Variants in PRKCI observed in about 807,000 individuals in gnomAD.
PRKCI encodes the protein protein kinase C iota.
Under a neutral mutation model 84.0 loss-of-function variants are expected in PRKCI, and 43 were observed. The ratio of observed to expected loss-of-function variants is 0.51; its 90% CI spans 0.40 to 0.66. PRKCI has a LOEUF of 0.66. Ranked by LOEUF, PRKCI falls within the 30% of genes least tolerant of loss-of-function variation. The pLI is 0.00. For missense variants in PRKCI, 459 were observed against 745.6 expected, an observed-to-expected ratio of 0.62 and a Z score of 4.48; for synonymous variants, 216 against 234.4, an observed-to-expected ratio of 0.92 and a Z score of 0.72.
At chr3:170,257,662 ATTTTT>A (rs11362547) in intron 2 of PRKCI, among the ~76,000 whole-genome samples, 1 of 121,800 alleles carries the variant, frequency 8.2e-6, no homozygotes, top group African/African-American at 3.1e-5. Context: ...GGGAAAGAGA[ATTTTT>A]TTTTTTTTTT....
At chr3:170,257,150 T>TA (rs1340623293) in intron 2 of PRKCI, among the ~76,000 whole-genome samples, 10 of 152,206 alleles carry the variant, frequency 6.6e-5, no homozygotes, top group Admixed American at 6.5e-4. Flanking sequence ...TGGGTGGGTA[T>TA]ATAGGGGAAA....
intron 2 of PRKCI, among the ~76,000 whole-genome samples, chr3:170,238,418 G>A (rs943700209): frequency 2.0e-5 from 3 of 149,206 alleles, no homozygotes; most frequent in African/African-American, 2.5e-5. Flanking sequence ...TATAGTATGC[G>A]CTGGACATTT....
At chr3:170,250,730 T>G (rs1733423609) in intron 2 of PRKCI, among the ~76,000 whole-genome samples, 1 of 152,210 alleles carries the variant, frequency 6.6e-6, no homozygotes, top group Non-Finnish European at 1.5e-5. Context: ...GTGAATATGT[T>G]TTCATTTCAT....
chr3:170,244,383 A>G (rs1310395014), intron 2 of PRKCI, among the ~76,000 whole-genome samples: 1 of 152,156 alleles, frequency 6.6e-6, no homozygotes, highest in African/African-American at 2.4e-5. Context: ...TTAAGAACTC[A>G]AAATGTAGGG....
intron 1 of PRKCI, among the ~76,000 whole-genome samples, chr3:170,233,086 G>A (rs543312259): frequency 6.4e-4 from 97 of 151,476 alleles, no homozygotes; most frequent in African/African-American, 2.3e-3. Flanking sequence ...TTTGCCCAAT[G>A]GTCTTACCAT....
At chr3:170,275,316 T>C (rs1176119762) in intron 8 of PRKCI, 29 bp downstream of exon 8, 2 of 1,571,700 alleles carry the variant, frequency 1.3e-6, no homozygotes, top group Non-Finnish European at 1.7e-6. Flanking sequence ...TTGTACATTA[T>C]ATCATTAGCT....
chr3:170,254,063 C>T (rs1249688629), intron 2 of PRKCI, among the ~76,000 whole-genome samples: 1 of 151,190 alleles, frequency 6.6e-6, no homozygotes, highest in Non-Finnish European at 1.5e-5. Context: ...CGCCACTGCA[C>T]TCCAGCCTGG....
In PRKCI at chr3:170,223,060, C is replaced by T. The variant is rs143899279; in HGVS notation, c.101+290C>T. Among the ~76,000 whole-genome samples, 725 of 152,174 alleles carry T rather than the reference C, an allele frequency of 4.8e-3. 6 individuals are homozygous for T. Among genetic ancestry groups the T allele is most frequent in the African/African-American group, 0.017 (692 of 41,526 alleles). ...GTGCACCTGGTGTGGACGAGAGACTCGCCTCCTGAGAGCTTTGTAGGGGCC... is the reference window on the plus strand; with the variant it reads ...GTGCACCTGGTGTGGACGAGAGACTTGCCTCCTGAGAGCTTTGTAGGGGCC... On this transcript the variant is annotated intron_variant, in intron 1 of 17. Transcript: ENST00000295797.
Position 170,222,512 on chromosome 3 carries a change from G to T in PRKCI, c.-158G>T, listed in dbSNP as rs1172547210. On this transcript the variant is annotated 5_prime_UTR_variant, in exon 1 of 18. Transcript: ENST00000295797. ...GAGCCGCGCGGTTCCGGCTGCTCCG[G>T]CGAGGCGACCCTTGGGTCGGCGCTG... 8 of 593,930 alleles carry T rather than the reference G, an allele frequency of 1.3e-5. No individual in the cohort carries two copies. The allele number at this position is 593,930 out of a possible 1,614,324, so 36.8% of individuals were successfully genotyped here.
At chr3:170,243,054 T>A (rs1733175719) in intron 2 of PRKCI, among the ~76,000 whole-genome samples, 1 of 152,120 alleles carries the variant, frequency 6.6e-6, no homozygotes, top group African/African-American at 2.4e-5. Context: ...TTTATTGAGG[T>A]ATAATTGACA....
intron 2 of PRKCI, among the ~76,000 whole-genome samples, chr3:170,242,963 G>A (rs535513276): frequency 2.0e-5 from 3 of 152,192 alleles, no homozygotes; most frequent in South Asian, 4.1e-4. Flanking sequence ...GAGCCACTGC[G>A]CCCGGCCTCT....
rs1279177533 is a variant in PRKCI, at chr3:170,305,144, T to C, written c.*2017T>C. ...AATTCTGTATCTCATGTCAGAAATA[T>C]GTTTATGGCCTTGCTTTTAAGTGGT... is the stretch of plus-strand genomic sequence containing the variant. On this transcript the variant is annotated 3_prime_UTR_variant, in exon 18 of 18. Coordinates refer to ENST00000295797, the MANE Select transcript of PRKCI (RefSeq NM_002740.6). 1 of 152,616 alleles carries C rather than the reference T, an allele frequency of 6.6e-6. No homozygotes were observed. The highest frequency in any genetic ancestry group is 2.4e-5 in the African/African-American group (1 of 41,444). 9.5% of individuals were successfully genotyped at this position (152,616 alleles called of 1,614,324 possible).
At chr3:170,302,552 C>T (rs1204813462) in intron 17 of PRKCI, among the ~76,000 whole-genome samples, 2 of 152,104 alleles carry the variant, frequency 1.3e-5, no homozygotes, top group African/African-American at 4.8e-5. Flanking sequence ...CAACCTCTCC[C>T]CTCTCTGTGA....
rs1329373324 is a variant in PRKCI at position 170,270,193 on chromosome 3, G to A, written c.451-228G>A. On this transcript the variant is annotated intron_variant, in intron 5 of 17. Coordinates refer to ENST00000295797, the MANE Select transcript of PRKCI (RefSeq NM_002740.6). ...GACTGAAAATTCTTAGACTTAGAAAGAAATGTGGTTGCAGATTTCACTGTC... is the reference window on the plus strand; with the variant it reads ...GACTGAAAATTCTTAGACTTAGAAAAAAATGTGGTTGCAGATTTCACTGTC... Among the ~76,000 whole-genome samples the A allele has an allele frequency of 5.3e-5, 8 of 152,300 alleles. No individual in the cohort carries two copies. In the East Asian group the frequency reaches 1.5e-3, roughly 29 times the overall value.
intron 5 of PRKCI, among the ~76,000 whole-genome samples, chr3:170,268,632 A>G (rs115791833): frequency 0.025 from 3,775 of 152,294 alleles, 120 homozygotes; most frequent in South Asian, 0.12. Flanking sequence ...TTTTCCAGTT[A>G]GTGTTGTAAT....
At chr3:170,296,802 C>T (rs1385167173) in intron 15 of PRKCI, among the ~76,000 whole-genome samples, 1 of 152,226 alleles carries the variant, frequency 6.6e-6, no homozygotes, top group East Asian at 1.9e-4. Flanking sequence ...TATTCTCATT[C>T]ATAGTGATGA....
At chr3:170,242,621 A>G (rs1269906564) in intron 2 of PRKCI, among the ~76,000 whole-genome samples, 1 of 151,780 alleles carries the variant, frequency 6.6e-6, no homozygotes, top group African/African-American at 2.4e-5. Flanking sequence ...ATACATTATT[A>G]CATTATTTAT....
intron 1 of PRKCI, among the ~76,000 whole-genome samples, chr3:170,234,900 T>TC (rs1033592565): frequency 6.6e-5 from 10 of 151,732 alleles, no homozygotes; most frequent in Middle Eastern, 3.4e-3. Flanking sequence ...CCTCCCATGT[T>TC]CCCCCCCTGA....
intron 1 of PRKCI, among the ~76,000 whole-genome samples, chr3:170,229,071 TCTCA>T (rs1427443046): frequency 6.6e-6 from 1 of 152,156 alleles, no homozygotes; most frequent in Non-Finnish European, 1.5e-5. Context: ...TTTATGGCTG[TCTCA>T]CTCCCACTTT....
Sources: gnomAD v4.1 joint callset for allele counts (sites outside exome capture counted in the v4.1 genomes callset) on GRCh38, gnomAD v4.1.1 for gene constraint, MANE v1.5 for transcripts, NCBI Gene and HGNC (gene_info 2026-07-23, HGNC 2026-07-21) for gene names.